Variants in RARB observed in about 807,000 individuals in gnomAD.
RARB encodes HBV-activated protein.
Under a neutral mutation model 51.9 loss-of-function variants are expected in RARB, and 17 were observed. The observed-to-expected ratio is 0.33, with a 90% CI of 0.22 to 0.49. RARB has a LOEUF of 0.49. Ranked by LOEUF, RARB falls within the 20% of genes least tolerant of loss-of-function variation. RARB has a pLI of 0.99. For synonymous variants in RARB, 215 were observed against 195.4 expected, an observed-to-expected ratio of 1.10 and a Z score of -0.84; for missense variants, 369 against 550.8, an observed-to-expected ratio of 0.67 and a Z score of 3.30.
intron 3 of RARB, among the ~76,000 whole-genome samples, chr3:25,106,257 A>G (rs1559468342): frequency 3.0e-5 from 1 of 33,208 alleles, no homozygotes; most frequent in South Asian, 8.1e-4. Flanking sequence ...TCTCGGAGAA[A>G]TGCATGTTTC....
chr3:25,424,212 TC>T (rs1192752455), upstream of RARB, among the ~76,000 whole-genome samples: 1 of 152,214 alleles, frequency 6.6e-6, no homozygotes, highest in Non-Finnish European at 1.5e-5. Flanking sequence ...GTCGCTATAC[TC>T]ATGCCCAGAG....
At chr3:25,505,781 G>T (rs906119622) in intron 3 of RARB, among the ~76,000 whole-genome samples, 4 of 152,122 alleles carry the variant, frequency 2.6e-5, no homozygotes, top group African/African-American at 7.2e-5. Context: ...AACTTCTGCT[G>T]GTGGCGTGGG....
chr3:24,976,015 C>A (rs138518359), intron 2 of RARB, among the ~76,000 whole-genome samples: 1 of 152,120 alleles, frequency 6.6e-6, no homozygotes, highest in Admixed American at 6.6e-5. Context: ...TGAGAACATG[C>A]GGTGTTTGGT....
intron 2 of RARB, among the ~76,000 whole-genome samples, chr3:25,038,162 A>G (rs1352699234): frequency 1.3e-5 from 2 of 152,200 alleles, no homozygotes; most frequent in Non-Finnish European, 2.9e-5. Context: ...AAGGCAAGTC[A>G]TATTACATCT....
At chr3:25,082,955 G>T (rs1699037835) in intron 3 of RARB, among the ~76,000 whole-genome samples, 1 of 151,958 alleles carries the variant, frequency 6.6e-6, no homozygotes, top group Admixed American at 6.6e-5. Context: ...CAGCTTGGAA[G>T]CTGGTTTTTT....
intron 2 of RARB, among the ~76,000 whole-genome samples, chr3:25,011,145 T>C (rs533696893): frequency 6.6e-6 from 1 of 152,244 alleles, no homozygotes; most frequent in South Asian, 2.1e-4. Flanking sequence ...TGGAAGTGAA[T>C]AAAGCAGACA....
chr3:25,097,371 A>C (rs1699315572), intron 3 of RARB, among the ~76,000 whole-genome samples: 1 of 152,212 alleles, frequency 6.6e-6, no homozygotes. Flanking sequence ...AGTAACATGA[A>C]AACATTGAGG....
At chr3:25,533,108 C>T (rs753153051) in intron 3 of RARB, among the ~76,000 whole-genome samples, 6 of 152,160 alleles carry the variant, frequency 3.9e-5, no homozygotes, top group Non-Finnish European at 7.4e-5. Flanking sequence ...AAATCTAATG[C>T]ATTCATTGTA....
At chr3:25,140,319 G>A (rs2125336705) in intron 4 of RARB, among the ~76,000 whole-genome samples, 1 of 152,300 alleles carries the variant, frequency 6.6e-6, no homozygotes, top group Non-Finnish European at 1.5e-5. Flanking sequence ...ATGGGAGGAA[G>A]TCAAAATACC....
intron 2 of RARB, among the ~76,000 whole-genome samples, chr3:24,898,022 A>G (rs368941637): frequency 1.3e-5 from 2 of 152,178 alleles, no homozygotes; most frequent in African/African-American, 4.8e-5. Flanking sequence ...TGGAGGAAAG[A>G]AAGACTTTAG....
At chr3:25,325,569 T>G (rs768622335) in intron 5 of RARB, among the ~76,000 whole-genome samples, 5 of 129,442 alleles carry the variant, frequency 3.9e-5, no homozygotes, top group East Asian at 2.0e-4. Flanking sequence ...TTTGTGGGGG[T>G]TTTTTTTTTA....
intron 2 of RARB, among the ~76,000 whole-genome samples, chr3:24,862,130 G>A (rs536690128): frequency 3.9e-5 from 6 of 152,094 alleles, no homozygotes; most frequent in African/African-American, 1.4e-4. Flanking sequence ...AACTTTACAC[G>A]GTATGGCTGG....
chr3:25,341,070 A>G (rs1241189212), intron 5 of RARB, among the ~76,000 whole-genome samples: 13 of 152,210 alleles, frequency 8.5e-5, no homozygotes, highest in Non-Finnish European at 1.6e-4. Flanking sequence ...AGCCAGCAGA[A>G]CATAATTAAC....
intron 5 of RARB, among the ~76,000 whole-genome samples, chr3:25,371,657 A>G: frequency 6.6e-6 from 1 of 152,270 alleles, no homozygotes; most frequent in East Asian, 1.9e-4. Context: ...GGCAAAAATT[A>G]TTCTCACATG....
intron 5 of RARB, among the ~76,000 whole-genome samples, chr3:25,303,792 C>T (rs1230791356): frequency 1.3e-5 from 2 of 152,078 alleles, no homozygotes; most frequent in Non-Finnish European, 2.9e-5. Flanking sequence ...CACAGCCAGC[C>T]GGGCAGAATG....
intron 2 of RARB, among the ~76,000 whole-genome samples, chr3:25,496,881 T>C (rs1184817888): frequency 6.6e-6 from 1 of 152,128 alleles, no homozygotes; most frequent in Non-Finnish European, 1.5e-5. Flanking sequence ...TGTTGTTTTT[T>C]TGTTTGTTTG....
At chr3:25,115,944 T>A (rs1467519479) in intron 3 of RARB, among the ~76,000 whole-genome samples, 1 of 152,140 alleles carries the variant, frequency 6.6e-6, no homozygotes, top group East Asian at 1.9e-4. Context: ...TTTTCATTTT[T>A]TTGAAGATAA....
intron 2 of RARB, among the ~76,000 whole-genome samples, chr3:24,889,417 T>C (rs964657225): frequency 2.6e-5 from 4 of 152,188 alleles, no homozygotes; most frequent in Non-Finnish European, 5.9e-5. Context: ...CTGCAGTGTT[T>C]ACGTTTTTTA....
rs555417316 is a variant in RARB, at chr3:25,501,343, A to T, written c.448+20A>T. On this transcript the variant is annotated intron_variant, in intron 3 of 7. Transcript: ENST00000330688. ...AAGAATGTAAGTGGAGTCTCAAAAA[A>T]CTTTTTCCCTGTTTTCCTTATCTCT... 2 of 1,605,392 alleles carry T rather than the reference A, an allele frequency of 1.2e-6. No individual in the cohort carries two copies. The highest frequency in any genetic ancestry group is 2.2e-5 in the South Asian group (2 of 88,900).
Sources: allele counts gnomAD v4.1 joint callset (sites outside exome capture counted in the v4.1 genomes callset), GRCh38; gene constraint gnomAD v4.1.1; transcripts MANE v1.5; gene names NCBI Gene and HGNC (gene_info 2026-07-23, HGNC 2026-07-21).